The following TENM1 variants were observed in gnomAD, a reference collection of about 807,000 sequenced individuals.
The protein encoded by TENM1 is teneurin-1.
In TENM1, 35 loss-of-function variants were observed where a neutral mutation model predicts 174.8. That is an observed-to-expected ratio of 0.20 (90% CI 0.15 to 0.27). The LOEUF (loss-of-function observed/expected upper bound fraction) is 0.27. Ranked by LOEUF, TENM1 falls within the 10% of genes least tolerant of loss-of-function variation. The pLI, the probability that TENM1 is intolerant of heterozygous loss-of-function variation, is 1.00. For synonymous variants in TENM1, 781 were observed against 798.7 expected, an observed-to-expected ratio of 0.98 and a Z score of 0.37; for missense variants, 1,633 against 2,130.1, an observed-to-expected ratio of 0.77 and a Z score of 4.59.
At chrX:124,678,110 T>C (rs1405770872) in intron 5 of TENM1, among the ~76,000 whole-genome samples, 1 of 111,249 alleles carries the variant, frequency 9.0e-6, no homozygotes, top group East Asian at 2.8e-4. Context: ...CTCCAATGAC[T>C]TTATATTGGC....
the TENM1 span, among the ~76,000 whole-genome samples, chrX:125,092,117 A>G: frequency 9.0e-6 from 1 of 110,694 alleles, no homozygotes; most frequent in African/African-American, 3.3e-5. Flanking sequence ...GCTTCCAAAA[A>G]TCTCTACCAA....
At chrX:124,786,189 A>G (rs1286043271) in intron 3 of TENM1, among the ~76,000 whole-genome samples, 2 of 111,623 alleles carry the variant, frequency 1.8e-5, no homozygotes, top group Non-Finnish European at 3.8e-5. Context: ...TATCTTAACC[A>G]TGCTTTTTCA....
chrX:124,908,860 A>C (rs1268271264), intron 1 of TENM1, among the ~76,000 whole-genome samples: 3 of 107,280 alleles, frequency 2.8e-5, no homozygotes, highest in Non-Finnish European at 3.8e-5. Flanking sequence ...TTATTATTCC[A>C]ATTTTTTTTT....
At chrX:124,422,167 T>C in intron 24 of TENM1, 105 bp downstream of exon 27, 1 of 1,019,984 alleles carries the variant, frequency 9.8e-7, no homozygotes, top group Non-Finnish European at 1.3e-6. Context: ...ATACCAATGT[T>C]TGCAAGTAAC....
intron 1 of TENM1, among the ~76,000 whole-genome samples, chrX:124,955,320 G>C (rs1251241319): frequency 9.0e-6 from 1 of 111,471 alleles, no homozygotes; most frequent in East Asian, 2.8e-4. Flanking sequence ...TCTTGGAATT[G>C]AGGTTTGTAA....
the TENM1 span, among the ~76,000 whole-genome samples, chrX:125,041,429 C>T: frequency 1.8e-5 from 2 of 111,218 alleles, no homozygotes; most frequent in African/African-American, 3.3e-5. Context: ...GAACCAGTAA[C>T]GAGCAGAGGT....
chrX:124,885,698 T>C (rs962948799), intron 3 of TENM1, among the ~76,000 whole-genome samples: 2 of 110,879 alleles, frequency 1.8e-5, no homozygotes, highest in Non-Finnish European at 3.8e-5. Flanking sequence ...TTTTCAGTAA[T>C]TTCCCAATTT....
At position 124,883,764 on chromosome X, in the gene TENM1, A is replaced by T. The variant is rs751952532; in HGVS notation, c.535+10532T>A. Among the ~76,000 whole-genome samples, 4 of 111,550 alleles carry T rather than the reference A, an allele frequency of 3.6e-5. No individual in the cohort carries two copies. In the Admixed American group the frequency reaches 3.8e-4, roughly 11 times the overall value. ...TAGGTGGTGCATGCTGACGGGTACA[A>T]GCTTTGGTGGTATCAACTGGTTGTG... On this transcript the variant is annotated intron_variant, in intron 3 of 31. Transcript: ENST00000422452.
intron 1 of TENM1, among the ~76,000 whole-genome samples, chrX:124,922,578 T>C (rs2058039310): frequency 2.7e-5 from 3 of 110,819 alleles, no homozygotes; most frequent in African/African-American, 9.8e-5. Flanking sequence ...ATTCAGTTAA[T>C]GCTATAAGGA....
exon 32 of TENM1, chrX:124,376,804 C>G (rs1266567241): frequency 2.0e-5 from 2 of 101,503 alleles, no homozygotes; most frequent in East Asian, 3.0e-4. Flanking sequence ...GTTTTGTTTT[C>G]TTTGCAGAAG....
intron 16 of TENM1, among the ~76,000 whole-genome samples, chrX:124,527,092 G>A (rs1209499630): frequency 8.9e-6 from 1 of 112,101 alleles, no homozygotes; most frequent in Non-Finnish European, 1.9e-5. Context: ...TACAACAAAT[G>A]GGGAGGATGA....
chrX:124,513,687 C>T (rs138167930), intron 18 of TENM1, among the ~76,000 whole-genome samples: 4,826 of 111,982 alleles, frequency 0.043, 263 homozygotes, highest in African/African-American at 0.15. Context: ...TACAAATAGA[C>T]ATTTCCTTCT....
chrX:124,942,455 G>A, intron 1 of TENM1, among the ~76,000 whole-genome samples: 1 of 111,718 alleles, frequency 9.0e-6, no homozygotes, highest in Admixed American at 9.5e-5. Context: ...CCGCCCCGCA[G>A]GGCTCACTAT....
At chrX:124,585,849 C>T (rs7058403) in intron 11 of TENM1, among the ~76,000 whole-genome samples, 2 of 109,338 alleles carry the variant, frequency 1.8e-5, no homozygotes, top group Non-Finnish European at 1.9e-5. Flanking sequence ...AAATGACAAA[C>T]GGGATATCAC....
At chrX:124,589,325 A>G (rs991142455) in intron 11 of TENM1, among the ~76,000 whole-genome samples, 2 of 107,330 alleles carry the variant, frequency 1.9e-5, no homozygotes, top group Non-Finnish European at 3.8e-5. Context: ...TTTTGCATCT[A>G]TGTTCAACAG....
At chrX:124,686,976 A>G (rs1298656274) in intron 5 of TENM1, among the ~76,000 whole-genome samples, 3 of 111,526 alleles carry the variant, frequency 2.7e-5, no homozygotes, top group Non-Finnish European at 5.6e-5. Flanking sequence ...GAGGAAGTCA[A>G]ATAGTCTCTG....
intron 3 of TENM1, among the ~76,000 whole-genome samples, chrX:124,776,986 C>T (rs1458102065): frequency 9.0e-6 from 1 of 111,030 alleles, no homozygotes; most frequent in Non-Finnish European, 1.9e-5. Flanking sequence ...GCTTCATCAA[C>T]ATCTTCATTT....
chrX:125,058,918 T>C, the TENM1 span, among the ~76,000 whole-genome samples: 1 of 110,550 alleles, frequency 9.0e-6, no homozygotes, highest in Non-Finnish European at 1.9e-5. Flanking sequence ...TAAAATTCAA[T>C]GGTTTTTAGT....
chrX:124,886,698 A>T (rs1414864273), intron 3 of TENM1, among the ~76,000 whole-genome samples: 1 of 101,777 alleles, frequency 9.8e-6, no homozygotes, highest in Non-Finnish European at 2.0e-5. Flanking sequence ...CAAATATCAC[A>T]CTAGGAAAAA....
Sources: allele counts gnomAD v4.1 joint callset (sites outside exome capture counted in the v4.1 genomes callset), GRCh38; gene constraint gnomAD v4.1.1; transcripts MANE v1.5; gene names NCBI Gene and HGNC (gene_info 2026-07-23, HGNC 2026-07-21).